GRM1: variants seen among roughly 807,000 people sequenced by gnomAD.
The protein encoded by GRM1 is glutamate metabotropic receptor 1.
A neutral mutation model predicts 90.9 loss-of-function variants in GRM1; 33 were observed. That is an observed-to-expected ratio of 0.36 (90% CI 0.28 to 0.49). The LOEUF is 0.49. Ranked by LOEUF, GRM1 falls within the 20% of genes least tolerant of loss-of-function variation. The pLI, the probability that GRM1 is intolerant of heterozygous loss-of-function variation, is 0.99. For missense variants in GRM1, 1,190 were observed against 1,534.3 expected, an observed-to-expected ratio of 0.78 and a Z score of 3.75; for synonymous variants, 700 against 613.2, an observed-to-expected ratio of 1.14 and a Z score of -2.09.
At chr6:146,148,343 CA>C (rs1777189311) in intron 1 of GRM1, among the ~76,000 whole-genome samples, 1 of 151,970 alleles carries the variant, frequency 6.6e-6, no homozygotes, top group Non-Finnish European at 1.5e-5. Flanking sequence ...CTATTGTTAA[CA>C]TTTTTATACT....
chr6:146,350,007 A>C (rs1425682007), intron 3 of GRM1, among the ~76,000 whole-genome samples: 1 of 152,228 alleles, frequency 6.6e-6, no homozygotes, highest in African/African-American at 2.4e-5. Flanking sequence ...CTGTGTTCTC[A>C]AAATAATTGT....
At chr6:146,194,412 T>G (rs1779046275) in intron 2 of GRM1, among the ~76,000 whole-genome samples, 1 of 152,220 alleles carries the variant, frequency 6.6e-6, no homozygotes, top group Non-Finnish European at 1.5e-5. Flanking sequence ...GCTAACACTG[T>G]AATGTTATAT....
At chr6:146,123,410 C>G (rs1776075694) in intron 1 of GRM1, among the ~76,000 whole-genome samples, 1 of 152,168 alleles carries the variant, frequency 6.6e-6, no homozygotes, top group East Asian at 1.9e-4. Context: ...TCTAGGTTAC[C>G]CAGAGAGTTT....
chr6:146,257,706 C>T (rs1195716189), intron 2 of GRM1, among the ~76,000 whole-genome samples: 1 of 152,052 alleles, frequency 6.6e-6, no homozygotes, highest in Non-Finnish European at 1.5e-5. Flanking sequence ...GACTCGTGAA[C>T]CAGCTCAAGC....
rs143624231 is a variant in GRM1 at position 146,049,651 on chromosome 6, ATATCTATCTATCTATCTATCTATC to A, written c.700+19463_700+19486del. On this transcript the variant is annotated intron_variant, in intron 1 of 7. Transcript: ENST00000282753. ...CAATTCCCATATGAAACCTCCTTTC[ATATCTATCTATCTATCTATCTATC>A]TATCTATCTATCTATCTATCTATCT... Among the ~76,000 whole-genome samples the A allele has an allele frequency of 4.0e-3, 583 of 147,576 alleles. 3 individuals carry two copies. The highest frequency in any genetic ancestry group is 7.0e-3 in the Middle Eastern group (2 of 286).
At chr6:146,027,940 TC>T (rs773842093), upstream of GRM1, 10 of 152,342 alleles carry the variant, frequency 6.6e-5, no homozygotes, top group Non-Finnish European at 1.2e-4. Flanking sequence ...TTTCTTTTCG[TC>T]CTGTATCCTC....
chr6:146,118,962 G>A (rs1775872498), intron 1 of GRM1, among the ~76,000 whole-genome samples: 2 of 152,190 alleles, frequency 1.3e-5, no homozygotes, highest in Non-Finnish European at 2.9e-5. Flanking sequence ...ACCCAGTAAT[G>A]GGATTGCTGG....
intron 1 of GRM1, among the ~76,000 whole-genome samples, chr6:146,090,644 C>T (rs1043154606): frequency 1.3e-5 from 2 of 152,064 alleles, no homozygotes; most frequent in African/African-American, 4.8e-5. Context: ...GCAAGTTCAG[C>T]CACAGAAAAC....
At chr6:146,079,819 A>C (rs896595754) in intron 1 of GRM1, among the ~76,000 whole-genome samples, 6 of 152,256 alleles carry the variant, frequency 3.9e-5, no homozygotes, top group Admixed American at 3.9e-4. Flanking sequence ...TAGAGGAACT[A>C]TCAGTGGAAT....
At chr6:146,213,684 T>TTAGATAGATAGA (rs750265154) in intron 2 of GRM1, among the ~76,000 whole-genome samples, 1,564 of 146,414 alleles carry the variant, frequency 0.011, 12 homozygotes, top group East Asian at 0.028. Flanking sequence ...GATGGAAAGA[T>TTAGATAGATAGA]TAGATAGATA....
intron 7 of GRM1, among the ~76,000 whole-genome samples, chr6:146,402,927 T>A: frequency 6.6e-6 from 1 of 152,284 alleles, no homozygotes; most frequent in African/African-American, 2.4e-5. Context: ...TTGGGTTGCT[T>A]GAGTTATTTA....
chr6:146,192,114 A>G (rs1778953240), intron 2 of GRM1, among the ~76,000 whole-genome samples: 1 of 152,212 alleles, frequency 6.6e-6, no homozygotes, highest in Non-Finnish European at 1.5e-5. Flanking sequence ...GGTCTAAGAC[A>G]ATTTCCAAAT....
intron 5 of GRM1, among the ~76,000 whole-genome samples, chr6:146,362,016 G>A (rs1775498045): frequency 3.3e-5 from 5 of 152,152 alleles, no homozygotes; most frequent in Admixed American, 2.6e-4. Flanking sequence ...GAGAAGTGAG[G>A]GAAAGGATAC....
intron 2 of GRM1, among the ~76,000 whole-genome samples, chr6:146,166,968 A>G (rs1162614422): frequency 6.6e-6 from 1 of 152,096 alleles, no homozygotes; most frequent in Admixed American, 6.6e-5. Flanking sequence ...TATTTGATGG[A>G]TTTTGATAAC....
intron 2 of GRM1, among the ~76,000 whole-genome samples, chr6:146,160,548 C>G (rs1777686319): frequency 6.6e-6 from 1 of 152,178 alleles, no homozygotes; most frequent in Non-Finnish European, 1.5e-5. Context: ...CTCTTTGTCT[C>G]TTCCCATCTC....
At chr6:146,414,467 G>A (rs1173888951) in intron 7 of GRM1, among the ~76,000 whole-genome samples, 1 of 151,512 alleles carries the variant, frequency 6.6e-6, no homozygotes, top group Non-Finnish European at 1.5e-5. Context: ...GGAGTGGCAC[G>A]ATCTCGGCGC....
intron 1 of GRM1, among the ~76,000 whole-genome samples, chr6:146,136,579 A>G (rs955373861): frequency 1.3e-5 from 2 of 152,146 alleles, no homozygotes; most frequent in Non-Finnish European, 2.9e-5. Flanking sequence ...TCTTCTTTTG[A>G]GAACTGTCTA....
At chr6:146,420,596 T>C (rs1020125271) in intron 7 of GRM1, among the ~76,000 whole-genome samples, 1 of 152,186 alleles carries the variant, frequency 6.6e-6, no homozygotes, top group African/African-American at 2.4e-5. Flanking sequence ...TCTCATCTGA[T>C]ATAAAATACT....
intron 2 of GRM1, among the ~76,000 whole-genome samples, chr6:146,180,216 CTTTAAG>C (rs1449231438): frequency 4.0e-5 from 6 of 151,334 alleles, no homozygotes; most frequent in Admixed American, 2.0e-4. Flanking sequence ...CATTTCTTAA[CTTTAAG>C]TTTATTTTAT....
Sources: allele counts gnomAD v4.1 joint callset (sites outside exome capture counted in the v4.1 genomes callset), GRCh38; gene constraint gnomAD v4.1.1; transcripts MANE v1.5; gene names NCBI Gene and HGNC (gene_info 2026-07-23, HGNC 2026-07-21).